Variants in NARF observed in about 807,000 individuals in gnomAD.
NARF encodes iron-only hydrogenase-like protein 2.
In NARF, 41 loss-of-function variants were observed where a neutral mutation model predicts 48.0. The ratio of observed to expected loss-of-function variants is 0.85; its 90% confidence interval spans 0.66 to 1.11. NARF has a LOEUF of 1.11. NARF is among the 50% of genes least tolerant of loss of function. NARF has a pLI of 0.00. For synonymous variants in NARF, 215 were observed against 225.5 expected (o/e 0.95, Z 0.42); for missense variants, 613 against 590.2 (o/e 1.04, Z -0.40).
intron 7 of NARF, chr17:82,483,315 A>G: frequency 3.0e-6 from 1 of 331,764 alleles, no homozygotes; most frequent in Non-Finnish European, 6.0e-6. Flanking sequence ...GTGAGACTCC[A>G]TCTCAAAAAA....
At chr17:82,467,541 G>A (rs1311155961) in intron 3 of NARF, among the ~76,000 whole-genome samples, 1 of 151,992 alleles carries the variant, frequency 6.6e-6, no homozygotes, top group Non-Finnish European at 1.5e-5. Flanking sequence ...AGGCTGGAGT[G>A]CAGTGGAGCA....
chr17:82,472,465 C>T lies in NARF; in HGVS notation c.386-99C>T, dbSNP rs141348206. The T allele has an allele frequency of 1.1e-3, 1,533 of 1,365,464 alleles. 16 individuals carry two copies. The African/African-American group carries it at 0.021, about 19-fold the overall frequency. The allele number at this position is 1,365,464 out of a possible 1,614,324, so 84.6% of individuals were successfully genotyped here. A position where few individuals can be genotyped will look rare whatever the true frequency, so the allele number is the denominator to read the frequency against. On this transcript the variant is annotated intron_variant, in intron 4 of 10. Transcript: ENST00000309794. ...TGCCACTGCACTCTAGCCTGGGTGACAGAACGAGACTCCGTCTCAAAAAAA... is the reference window on the plus strand; with the variant it reads ...TGCCACTGCACTCTAGCCTGGGTGATAGAACGAGACTCCGTCTCAAAAAAA...
chr17:82,470,021 C>T (rs1479137831), intron 4 of NARF, among the ~76,000 whole-genome samples: 1 of 152,062 alleles, frequency 6.6e-6, no homozygotes, highest in East Asian at 1.9e-4. Context: ...TACTTGAGGC[C>T]AGGAGCTCGA....
At chr17:82,463,496 G>C (rs931733791) in intron 2 of NARF, 4 of 152,250 alleles carry the variant, frequency 2.6e-5, no homozygotes, top group African/African-American at 7.2e-5. Context: ...AGGCCACCCA[G>C]GGTGAGCCTG....
At chr17:82,469,752 C>T (rs749759320) in intron 4 of NARF, among the ~76,000 whole-genome samples, 3 of 152,108 alleles carry the variant, frequency 2.0e-5, no homozygotes, top group South Asian at 2.1e-4. Context: ...ACTACAGGTG[C>T]GCGCCACCAC....
At chr17:82,480,754 A>G (rs2043943974) in intron 6 of NARF, 1 of 481,442 alleles carries the variant, frequency 2.1e-6, no homozygotes, top group Non-Finnish European at 3.7e-6. Context: ...CAACACGGTG[A>G]AACCCCATCT....
At chr17:82,458,432 C>T (rs1283437568), upstream of NARF, 9 of 221,742 alleles carry the variant, frequency 4.1e-5, no homozygotes, top group Admixed American at 1.8e-4. Context: ...CCCTGGTGAA[C>T]GCCGCTTGGC....
Position 82,488,241 on chromosome 17 carries a change from T to G in NARF, c.*84T>G. Reference sequence around the variant, plus strand: ...GGGAGGGGCTGCCCTGAGTGGAGTATTAAAGACACTTAAGAAAACCGCTCA... The same window carrying G: ...GGGAGGGGCTGCCCTGAGTGGAGTAGTAAAGACACTTAAGAAAACCGCTCA... On this transcript the variant is annotated 3_prime_UTR_variant, in exon 11 of 11. Coordinates refer to ENST00000309794, the MANE Select transcript of NARF (RefSeq NM_012336.4). 6.6e-7 allele frequency: 1 copy of G among 1,524,162 alleles called. No homozygotes were observed. Among genetic ancestry groups the G allele is most frequent in the Non-Finnish European group, 8.8e-7 (1 of 1,138,578 alleles). The allele number at this position is 1,524,162 out of a possible 1,614,324, so 94.4% of individuals were successfully genotyped here. A position where few individuals can be genotyped will look rare whatever the true frequency, so the allele number is the denominator to read the frequency against.
intron 1 of NARF, 143 bp downstream of exon 1, chr17:82,458,973 C>G (rs2043358409): frequency 2.5e-6 from 3 of 1,217,922 alleles, no homozygotes; most frequent in Non-Finnish European, 3.1e-6. Flanking sequence ...TGGGCCCGCT[C>G]GGCGTGGAGG....
intron 6 of NARF, chr17:82,480,461 T>C: frequency 2.5e-6 from 1 of 401,850 alleles, no homozygotes; most frequent in East Asian, 3.6e-5. Flanking sequence ...CTCCACTGGC[T>C]GGGGGGCTTT....
rs572272931 is a variant in NARF, at chr17:82,478,575, G to A, written c.521-225G>A. The A allele has an allele frequency of 2.4e-4, 153 of 633,544 alleles. 1 individual carries two copies. The African/African-American group carries it at 2.5e-3, about 10-fold the overall frequency. 39.2% of individuals were successfully genotyped at this position (633,544 alleles called of 1,614,324 possible). A position where few individuals can be genotyped will look rare whatever the true frequency, so the allele number is the denominator to read the frequency against. On this transcript the variant is annotated intron_variant, in intron 5 of 10. Coordinates refer to ENST00000309794, the MANE Select transcript of NARF (RefSeq NM_012336.4). ...ACTTGTCTGTCGGCCTTGCAGGGAT[G>A]CTCCCATTTCCCAGTAGCCTCCAGG... is the stretch of plus-strand genomic sequence containing the variant.
At chr17:82,484,210 C>T (rs75071912) in intron 8 of NARF, 3,700 of 163,846 alleles carry the variant, frequency 0.023, 62 homozygotes, top group South Asian at 0.067. Flanking sequence ...CTGCTGGGGG[C>T]GGTGACCTCG....
chr17:82,472,955 T>C (rs1161514650), intron 5 of NARF, among the ~76,000 whole-genome samples: 1 of 152,054 alleles, frequency 6.6e-6, no homozygotes, highest in Non-Finnish European at 1.5e-5. Context: ...ATTATTTTTT[T>C]TTTGAGACAG....
chr17:82,473,039 C>G (rs1315946986), intron 5 of NARF, among the ~76,000 whole-genome samples: 2 of 151,780 alleles, frequency 1.3e-5, no homozygotes, highest in Non-Finnish European at 2.9e-5. Context: ...CTCCCGGGTT[C>G]AAGCGATTCT....
chr17:82,481,801 A>G (rs1193964082), intron 7 of NARF: 1 of 428,422 alleles, frequency 2.3e-6, no homozygotes, highest in Non-Finnish European at 4.6e-6. Context: ...CTAACTTTAC[A>G]TTACAGTCCA....
intron 1 of NARF, 25 bp downstream of exon 1, chr17:82,458,855 G>A (rs1249998098): frequency 1.4e-6 from 2 of 1,393,026 alleles, no homozygotes; most frequent in Admixed American, 6.2e-5. Context: ...CCGGGGAGGC[G>A]CGCGCCTGGT....
chr17:82,466,683 C>T (rs538531597), intron 3 of NARF, among the ~76,000 whole-genome samples: 2 of 152,210 alleles, frequency 1.3e-5, no homozygotes, highest in South Asian at 4.1e-4. Context: ...GAACTCCTGA[C>T]CTCAAGTGAT....
rs942680218 is a variant in NARF at position 82,458,915 on chromosome 17, C to A, written c.27+85C>A. 6 of 1,281,470 alleles carry A rather than the reference C, an allele frequency of 4.7e-6. No homozygotes were observed. In the Admixed American group the frequency reaches 1.6e-4, roughly 35 times the overall value. 79.4% of individuals were successfully genotyped at this position (1,281,470 alleles called of 1,614,324 possible). On this transcript the variant is annotated intron_variant, in intron 1 of 10. Coordinates refer to ENST00000309794, the MANE Select transcript of NARF (RefSeq NM_012336.4). ...GCCGAGGTTGGCGGTCCGGGCCCGC[C>A]GCTCGCTCGCTTCAGGGCTCTTCAA...
rs2044157308 is a variant in NARF, at chr17:82,489,173, ACC to A, written c.*1018_*1019del. The A allele has an allele frequency of 6.4e-6, 1 of 156,908 alleles. No homozygotes were observed. Among genetic ancestry groups the A allele is most frequent in the Non-Finnish European group, 1.4e-5 (1 of 70,732 alleles). The allele number at this position is 156,908 out of a possible 1,614,324, so 9.7% of individuals were successfully genotyped here. A position where few individuals can be genotyped will look rare whatever the true frequency, so the allele number is the denominator to read the frequency against. ...CTCCCATTCCTCACAGCCAGTCACC[ACC>A]CTCCTGGACCATACTCGGCCCTGGG... On this transcript the variant is annotated 3_prime_UTR_variant, in exon 11 of 11. Coordinates refer to ENST00000309794, the MANE Select transcript of NARF (RefSeq NM_012336.4).
Sources: gnomAD v4.1 joint callset for allele counts (sites outside exome capture counted in the v4.1 genomes callset) on GRCh38, gnomAD v4.1.1 for gene constraint, MANE v1.5 for transcripts, NCBI Gene and HGNC (gene_info 2026-07-23, HGNC 2026-07-21) for gene names.